PHLPP2: variants seen among roughly 807,000 people sequenced by gnomAD.
The protein encoded by PHLPP2 is PH domain and leucine rich repeat protein phosphatase 2.
A neutral mutation model predicts 124.9 loss-of-function variants in PHLPP2; 66 were observed. That is an observed-to-expected ratio of 0.53 (90% CI 0.43 to 0.65). The LOEUF is 0.65. Among genes scored for constraint, PHLPP2 ranks in the 30% least tolerant of loss-of-function variants. The pLI is 0.00. For synonymous variants in PHLPP2, 681 were observed against 624.7 expected (o/e 1.09, Z -1.34); for missense variants, 1,685 against 1,600.4 (o/e 1.05, Z -0.90).
In PHLPP2 at chr16:71,702,634, T is replaced by G. The variant is rs765539706; in HGVS notation, c.382A>C (p.Asn128His). The G allele has an allele frequency of 6.2e-7, 1 of 1,611,092 alleles. No homozygotes were observed. The highest frequency in any genetic ancestry group is 1.3e-5 in the African/African-American group (1 of 74,836). Reference sequence around the variant, plus strand: ...CGAATCATACAGCCGAGGTCAGGATTTGTAGCCTCCTCCTGTATGCGCACA... The same window carrying G: ...CGAATCATACAGCCGAGGTCAGGATGTGTAGCCTCCTCCTGTATGCGCACA... ...DPVRIQEEAT[N>H]PDLGCMIRFY... Residue 128 changes from asparagine to histidine, a missense_variant, in exon 3 of 19, where the codon AAT (asparagine) becomes CAT (histidine). By Grantham distance (68) the Asn-to-His change is moderately conservative. Coordinates refer to ENST00000568954, the MANE Select transcript of PHLPP2 (RefSeq NM_015020.3).
intron 5 of PHLPP2, among the ~76,000 whole-genome samples, chr16:71,683,047 T>C (rs1428086853): frequency 1.3e-5 from 2 of 152,030 alleles, no homozygotes; most frequent in African/African-American, 4.8e-5. Context: ...GGCGCACACC[T>C]GTAATCCCAG....
rs2044655245 is a variant in PHLPP2 at position 71,646,662 on chromosome 16, C to A, written c.*2228G>T. On this transcript the variant is annotated 3_prime_UTR_variant, in exon 19 of 19. Transcript: ENST00000568954. ...TCTAAGTAAGATGTTTTACATCACT[C>A]ATCACTATCATCCTGTTATTTCATT... 6.9e-6 allele frequency: 1 copy of A among 145,764 alleles called. No individual in the cohort carries two copies. The highest frequency in any genetic ancestry group is 1.5e-5 in the Non-Finnish European group (1 of 66,060). 9.0% of individuals were successfully genotyped at this position (145,764 alleles called of 1,614,324 possible).
At chr16:71,675,472 G>C (rs1473664932) in intron 9 of PHLPP2, among the ~76,000 whole-genome samples, 1 of 152,172 alleles carries the variant, frequency 6.6e-6, no homozygotes, top group Non-Finnish European at 1.5e-5. Context: ...CTAGCACTGA[G>C]GCTACACAAG....
intron 2 of PHLPP2, among the ~76,000 whole-genome samples, chr16:71,708,858 G>A (rs2045304391): frequency 6.6e-6 from 1 of 152,150 alleles, no homozygotes; most frequent in Non-Finnish European, 1.5e-5. Context: ...TCAGGAGGCT[G>A]AGACAGGAGA....
intron 9 of PHLPP2, 59 bp downstream of exon 9, chr16:71,676,388 T>G (rs2044945444): frequency 7.2e-7 from 1 of 1,395,796 alleles, no homozygotes; most frequent in African/African-American, 1.4e-5. Context: ...GCCACTGTTC[T>G]CAGAAAGCAC....
chr16:71,660,422 T>TG (rs1491575080), intron 13 of PHLPP2, among the ~76,000 whole-genome samples: 99 of 10,446 alleles, frequency 9.5e-3, no homozygotes, highest in African/African-American at 0.032. Context: ...ATACACTGTA[T>TG]TTTTTTTTTT....
intron 2 of PHLPP2, among the ~76,000 whole-genome samples, chr16:71,708,243 T>C (rs1951691616): frequency 6.6e-6 from 1 of 152,192 alleles, no homozygotes; most frequent in Non-Finnish European, 1.5e-5. Flanking sequence ...CCTGTACACA[T>C]CCAGATGGCC....
In PHLPP2 at chr16:71,649,811, C is replaced by A. The variant is rs774480161; in HGVS notation, c.3051G>T (p.Ala1017=). ...LAAAKKLCTL[A]QSYGCQDNVG... Reference sequence around the variant, plus strand: ...CATTGTCCTGACAGCCATAGCTCTGCGCTAATGTGCACAGCTTCTTAGCAG... The same window carrying A: ...CATTGTCCTGACAGCCATAGCTCTGAGCTAATGTGCACAGCTTCTTAGCAG... Residue 1017 remains alanine, a synonymous_variant, in exon 19 of 19, where the codon GCG becomes GCT. Coordinates refer to ENST00000568954, the MANE Select transcript of PHLPP2 (RefSeq NM_015020.3). The A allele has an allele frequency of 3.1e-6, 5 of 1,614,190 alleles. No individual in the cohort carries two copies. In the South Asian group the frequency reaches 5.5e-5, roughly 18 times the overall value.
At chr16:71,654,435 T>C (rs2044725241) in intron 17 of PHLPP2, among the ~76,000 whole-genome samples, 1 of 152,174 alleles carries the variant, frequency 6.6e-6, no homozygotes, top group African/African-American at 2.4e-5. Flanking sequence ...ATGCATTTAG[T>C]AGAAACTGTA....
chr16:71,707,250 C>T (rs573999038), intron 2 of PHLPP2, among the ~76,000 whole-genome samples: 4 of 152,134 alleles, frequency 2.6e-5, no homozygotes, highest in Admixed American at 6.5e-5. Context: ...CCACCGCGCC[C>T]GGCCAAGATA....
At position 71,664,117 on chromosome 16, in the gene PHLPP2, GATC is replaced by G; in HGVS notation, c.1785-21_1785-19del. The G allele has an allele frequency of 6.5e-7, 1 of 1,550,270 alleles. No individual in the cohort carries two copies. Among genetic ancestry groups the G allele is most frequent in the East Asian group, 2.2e-5 (1 of 44,566 alleles). ...ATCTGAGACTGACAGAACACACACAGATCATCACCTCCTTTAAGTTTATTTGCT... is the reference window on the plus strand; with the variant it reads ...ATCTGAGACTGACAGAACACACACAGATCACCTCCTTTAAGTTTATTTGCT... On this transcript the variant is annotated intron_variant, in intron 12 of 18. Coordinates refer to ENST00000568954, the MANE Select transcript of PHLPP2 (RefSeq NM_015020.3).
At chr16:71,684,778 G>A in intron 4 of PHLPP2, 177 bp from the exon 5 acceptor site, 1 of 562,594 alleles carries the variant, frequency 1.8e-6, no homozygotes, top group Non-Finnish European at 3.1e-6. Context: ...CACACCCAAG[G>A]AGTACACAAT....
chr16:71,702,051 A>G (rs1381364288), intron 3 of PHLPP2, among the ~76,000 whole-genome samples: 1 of 152,184 alleles, frequency 6.6e-6, no homozygotes, highest in Non-Finnish European at 1.5e-5. Flanking sequence ...TCAGATAAGA[A>G]GCATGTTACT....
chr16:71,652,166 T>G (rs1330880922), intron 18 of PHLPP2, among the ~76,000 whole-genome samples: 1 of 152,160 alleles, frequency 6.6e-6, no homozygotes, highest in Non-Finnish European at 1.5e-5. Flanking sequence ...ATACAAAGAC[T>G]CTTAAAACTC....
chr16:71,718,631 CAAG>C (rs1384792677), intron 1 of PHLPP2, among the ~76,000 whole-genome samples: 1 of 150,596 alleles, frequency 6.6e-6, no homozygotes, highest in Non-Finnish European at 1.5e-5. Flanking sequence ...TTCAGGAGGC[CAAG>C]GAGGGAGGAT....
chr16:71,697,219 A>AAATAAAT (rs1567625246), intron 3 of PHLPP2, among the ~76,000 whole-genome samples: 4 of 139,122 alleles, frequency 2.9e-5, no homozygotes, highest in Admixed American at 7.0e-5. Flanking sequence ...AATAAATAAA[A>AAATAAAT]AGAAACTCAG....
At chr16:71,676,306 G>T in intron 9 of PHLPP2, 141 bp downstream of exon 9, 1 of 635,450 alleles carries the variant, frequency 1.6e-6, no homozygotes, top group Non-Finnish European at 2.8e-6. Flanking sequence ...TGACAGCAAA[G>T]TGAAGAGATA....
chr16:71,645,015 T>A lies in PHLPP2; in HGVS notation c.*3875A>T, dbSNP rs1274389730. ...AAACAATAGATTTGCTGCAACATGCTCTGGCTCATATTATTGAATTAAAAA... is the reference window on the plus strand; with the variant it reads ...AAACAATAGATTTGCTGCAACATGCACTGGCTCATATTATTGAATTAAAAA... On this transcript the variant is annotated 3_prime_UTR_variant, in exon 19 of 19. Transcript: ENST00000568954. The A allele has an allele frequency of 3.4e-6, 1 of 293,412 alleles. No individual in the cohort carries two copies. The highest frequency in any genetic ancestry group is 2.3e-5 in the African/African-American group (1 of 44,294). The allele number at this position is 293,412 out of a possible 1,614,324, so 18.2% of individuals were successfully genotyped here.
chr16:71,653,099 CTT>C (rs11298836), intron 17 of PHLPP2, 78 bp from the exon 18 acceptor site: 99,190 of 534,840 alleles, frequency 0.19, 11 homozygotes, highest in East Asian at 0.23. Flanking sequence ...TACATCCCTT[CTT>C]TTTTTTTTTT....
Sources: allele counts gnomAD v4.1 joint callset (sites outside exome capture counted in the v4.1 genomes callset), GRCh38; gene constraint gnomAD v4.1.1; transcripts MANE v1.5; gene names NCBI Gene and HGNC (gene_info 2026-07-23, HGNC 2026-07-21).